The following FBXL4 variants were observed in gnomAD, a reference collection of about 807,000 sequenced individuals.
The protein encoded by FBXL4 is F-box and leucine rich repeat protein 4.
FBXL4 carries 40 observed loss-of-function variants against 58.9 expected under a neutral mutation model. The ratio of observed to expected loss-of-function variants is 0.68; its 90% CI spans 0.53 to 0.88. FBXL4 has a LOEUF of 0.88. Among genes scored for constraint, FBXL4 ranks in the 40% least tolerant of loss-of-function variants. The pLI, the probability that FBXL4 is intolerant of heterozygous loss-of-function variation, is 0.00. For missense variants in FBXL4, 676 were observed against 734.4 expected (o/e 0.92, Z 0.92); for synonymous variants, 263 against 265.5 (o/e 0.99, Z 0.09).
At chr6:98,927,398 A>T (rs1165669771) in intron 3 of FBXL4, among the ~76,000 whole-genome samples, 1 of 152,234 alleles carries the variant, frequency 6.6e-6, no homozygotes, top group Non-Finnish European at 1.5e-5. Context: ...TTTAAATTAT[A>T]TGGTGAACCA....
At chr6:98,908,335 A>G (rs1180941565) in intron 5 of FBXL4, among the ~76,000 whole-genome samples, 4 of 152,202 alleles carry the variant, frequency 2.6e-5, no homozygotes, top group Admixed American at 2.6e-4. Flanking sequence ...ATTTAATGAT[A>G]TATCTTATAG....
At chr6:98,914,667 C>A (rs372146127) in intron 5 of FBXL4, among the ~76,000 whole-genome samples, 1 of 152,116 alleles carries the variant, frequency 6.6e-6, no homozygotes, top group Non-Finnish European at 1.5e-5. Context: ...TGGGACATAT[C>A]TCAAAATCAT....
intron 5 of FBXL4, among the ~76,000 whole-genome samples, chr6:98,908,213 A>G (rs1038108273): frequency 1.3e-5 from 2 of 152,158 alleles, no homozygotes; most frequent in Admixed American, 6.6e-5. Flanking sequence ...CTCTCCCCAA[A>G]GATAATCATT....
At chr6:98,906,067 C>A (rs754162005) in intron 5 of FBXL4, among the ~76,000 whole-genome samples, 2 of 151,492 alleles carry the variant, frequency 1.3e-5, no homozygotes, top group African/African-American at 4.9e-5. Flanking sequence ...GACAATGATA[C>A]GTTTTAATAG....
intron 4 of FBXL4, among the ~76,000 whole-genome samples, chr6:98,925,233 T>C (rs1772731680): frequency 6.6e-6 from 1 of 152,184 alleles, no homozygotes; most frequent in East Asian, 1.9e-4. Flanking sequence ...TGCAAAAATA[T>C]TGAAATTTAT....
At chr6:98,875,158 C>G in intron 9 of FBXL4, 1 of 453,650 alleles carries the variant, frequency 2.2e-6, no homozygotes. Flanking sequence ...TACAAGTAGA[C>G]CAAGAATTAA....
chr6:98,891,367 G>C (rs1183098233), intron 7 of FBXL4, among the ~76,000 whole-genome samples: 1 of 152,130 alleles, frequency 6.6e-6, no homozygotes, highest in African/African-American at 2.4e-5. Flanking sequence ...TCAGTTTAAG[G>C]TTCAGATAAT....
intron 7 of FBXL4, among the ~76,000 whole-genome samples, chr6:98,897,957 T>C (rs183194808): frequency 2.8e-4 from 42 of 152,298 alleles, no homozygotes; most frequent in Middle Eastern, 3.4e-3. Context: ...TCTGGAAATA[T>C]GGCAATGAAA....
intron 1 of FBXL4, among the ~76,000 whole-genome samples, chr6:98,943,277 A>T (rs1259614965): frequency 6.6e-6 from 1 of 151,814 alleles, no homozygotes; most frequent in Non-Finnish European, 1.5e-5. Flanking sequence ...AAAAAAAAAA[A>T]GGACAAAATT....
At chr6:98,912,616 A>C (rs1036301922) in intron 5 of FBXL4, among the ~76,000 whole-genome samples, 3 of 152,164 alleles carry the variant, frequency 2.0e-5, no homozygotes, top group Admixed American at 6.5e-5. Context: ...CTTCACGGAC[A>C]AGCAAATGCT....
intron 7 of FBXL4, among the ~76,000 whole-genome samples, chr6:98,893,393 G>A (rs529833540): frequency 1.8e-4 from 26 of 146,468 alleles, no homozygotes; most frequent in African/African-American, 3.4e-4. Context: ...GGCTTGTAGC[G>A]GGTCATCTTC....
At chr6:98,912,863 T>G (rs968943480) in intron 5 of FBXL4, among the ~76,000 whole-genome samples, 2 of 151,974 alleles carry the variant, frequency 1.3e-5, no homozygotes, top group Non-Finnish European at 2.9e-5. Flanking sequence ...AATGCTCCAA[T>G]TAAAAGACAC....
At chr6:98,932,081 T>A (rs1481432338) in intron 2 of FBXL4, among the ~76,000 whole-genome samples, 1 of 152,244 alleles carries the variant, frequency 6.6e-6, no homozygotes, top group Non-Finnish European at 1.5e-5. Context: ...GAACACTTAA[T>A]TTGTCCAAAA....
chr6:98,917,408 G>A lies in FBXL4; in HGVS notation c.824C>T (p.Pro275Leu), dbSNP rs1772401109. Residue 275 changes from proline (P) to leucine (L), a missense_variant, in exon 5 of 10, where the codon CCA becomes CTA. Pro to Leu is a moderately conservative substitution (Grantham distance 98, BLOSUM62 -3). Coordinates refer to ENST00000369244, the MANE Select transcript of FBXL4 (RefSeq NM_001278716.2). The part of the protein sequence containing the change: ...KFSSAVLGEG[P>L]NNGYFDKLPY... ...TAGTTTATCAAAATACCCATTATTT[G>A]GCCCTTCCCCGAGGACAGCACTGCT... 1 of 1,610,762 alleles carries A rather than the reference G, an allele frequency of 6.2e-7. No homozygotes were observed. Among genetic ancestry groups the A allele is most frequent in the African/African-American group, 1.3e-5 (1 of 74,772 alleles).
intron 1 of FBXL4, among the ~76,000 whole-genome samples, chr6:98,936,695 T>C (rs1435292569): frequency 1.3e-5 from 2 of 152,166 alleles, no homozygotes; most frequent in African/African-American, 4.8e-5. Flanking sequence ...ATATAAAACA[T>C]ATATTAACCA....
At chr6:98,882,614 C>T (rs1770892941) in intron 7 of FBXL4, among the ~76,000 whole-genome samples, 1 of 151,764 alleles carries the variant, frequency 6.6e-6, no homozygotes, top group African/African-American at 2.4e-5. Flanking sequence ...AACCATGTAG[C>T]CACCACTCAA....
intron 5 of FBXL4, among the ~76,000 whole-genome samples, chr6:98,910,589 G>A (rs1010770537): frequency 8.6e-5 from 13 of 151,834 alleles, no homozygotes; most frequent in East Asian, 1.9e-4. Context: ...CCCAGGAGGC[G>A]GAGCTTGCAG....
chr6:98,936,896 AC>A (rs1225708509), intron 1 of FBXL4, among the ~76,000 whole-genome samples: 2 of 152,178 alleles, frequency 1.3e-5, no homozygotes, highest in Non-Finnish European at 2.9e-5. Context: ...TTCCAGATTT[AC>A]CCATGATGCT....
chr6:98,947,647 G>C (rs1009838823), intron 1 of FBXL4, among the ~76,000 whole-genome samples, 159 bp downstream of exon 1: 3 of 152,122 alleles, frequency 2.0e-5, no homozygotes, highest in African/African-American at 4.8e-5. Flanking sequence ...GCGGGGGCGC[G>C]GGGCCGCGGG....
Sources: allele counts gnomAD v4.1 joint callset (sites outside exome capture counted in the v4.1 genomes callset), GRCh38; gene constraint gnomAD v4.1.1; transcripts MANE v1.5; gene names NCBI Gene and HGNC (gene_info 2026-07-23, HGNC 2026-07-21).